The following PHF20 variants were observed in gnomAD, a reference collection of about 807,000 sequenced individuals.
The protein encoded by PHF20 is glioma-expressed antigen 2.
In PHF20, 23 loss-of-function variants were observed where a neutral mutation model predicts 113.5. The ratio of observed to expected loss-of-function variants is 0.20; its 90% CI spans 0.15 to 0.29. The LOEUF (loss-of-function observed/expected upper bound fraction) is 0.29, where lower values mean the gene tolerates loss of function less well. PHF20 is among the 10% of genes least tolerant of loss of function. The pLI, the probability that PHF20 is intolerant of heterozygous loss-of-function variation, is 1.00. For missense variants in PHF20, 943 were observed against 1,219.6 expected, an observed-to-expected ratio of 0.77 and a Z score of 3.38; for synonymous variants, 434 against 457.3, an observed-to-expected ratio of 0.95 and a Z score of 0.65.
chr20:35,824,343 T>C (rs2146907490), intron 2 of PHF20, among the ~76,000 whole-genome samples: 1 of 152,130 alleles, frequency 6.6e-6, no homozygotes, highest in Non-Finnish European at 1.5e-5. Context: ...GTGTGGTGGC[T>C]CACGCCTGTA....
In PHF20 at chr20:35,861,151, G is replaced by GT. The variant is rs200515259; in HGVS notation, c.421-1848dup. Among the ~76,000 whole-genome samples, 1,284 of 141,942 alleles carry GT rather than the reference G, an allele frequency of 9.0e-3. 1 individual carries two copies. The highest frequency in any genetic ancestry group is 0.013 in the East Asian group (65 of 4,876). The allele number at this position is 141,942 out of a possible 152,430, so 93.1% of individuals were successfully genotyped here. ...TTCGTATACTATTGGAATAGATTGA[G>GT]TTTTTTTTTTTTTTCTGTAGGACTG... On this transcript the variant is annotated intron_variant, in intron 5 of 17. Coordinates refer to ENST00000374012, the MANE Select transcript of PHF20 (RefSeq NM_016436.5).
In PHF20 at chr20:35,947,763, G is replaced by C; in HGVS notation, c.*136G>C. 1 of 909,714 alleles carries C rather than the reference G, an allele frequency of 1.1e-6. No individual in the cohort carries two copies. The highest frequency in any genetic ancestry group is 1.7e-5 in the South Asian group (1 of 57,924). The allele number at this position is 909,714 out of a possible 1,614,324, so 56.4% of individuals were successfully genotyped here. The stretch of plus-strand genomic sequence containing the variant: ...CTTCAGGGATCTGGGCCAGGAGTGT[G>C]GTGGACATTGGACAAAGAGGCCATT... On this transcript the variant is annotated 3_prime_UTR_variant, in exon 18 of 18. Coordinates refer to ENST00000374012, the MANE Select transcript of PHF20 (RefSeq NM_016436.5).
chr20:35,827,155 G>A (rs904283001), intron 2 of PHF20, among the ~76,000 whole-genome samples: 1 of 152,130 alleles, frequency 6.6e-6, no homozygotes, highest in African/African-American at 2.4e-5. Context: ...AGGCTGGAGT[G>A]CAATGGTACG....
chr20:35,895,416 C>T (rs1457539081), intron 9 of PHF20, among the ~76,000 whole-genome samples: 2 of 152,070 alleles, frequency 1.3e-5, no homozygotes, highest in East Asian at 1.9e-4. Context: ...CCTCAGTTTC[C>T]CAAAGTGCTG....
intron 17 of PHF20, 62 bp downstream of exon 17, chr20:35,941,109 G>T: frequency 7.1e-7 from 1 of 1,406,242 alleles, no homozygotes; most frequent in South Asian, 1.3e-5. Flanking sequence ...CAGACGAGCT[G>T]CTTTCTGAAC....
At chr20:35,939,967 G>GACGC (rs1442183131) in intron 16 of PHF20, among the ~76,000 whole-genome samples, 7 of 152,218 alleles carry the variant, frequency 4.6e-5, no homozygotes, top group African/African-American at 1.7e-4. Flanking sequence ...TTTTGAGACA[G>GACGC]ACGCAGTTTC....
At chr20:35,862,609 C>T (rs2054237110) in intron 5 of PHF20, among the ~76,000 whole-genome samples, 1 of 151,992 alleles carries the variant, frequency 6.6e-6, no homozygotes. Context: ...TGAAACATGC[C>T]TGTGGTCCCA....
chr20:35,939,046 G>A lies in PHF20; in HGVS notation c.2650G>A (p.Gly884Ser). 1 of 1,614,136 alleles carries A rather than the reference G, an allele frequency of 6.2e-7. No individual in the cohort carries two copies. Among genetic ancestry groups the A allele is most frequent in the South Asian group, 1.1e-5 (1 of 91,082 alleles). Reference protein sequence around the residue: ...NGDDSLSPRLGWPLDQDRSKG... With the variant: ...NGDDSLSPRLSWPLDQDRSKG... Reference sequence around the variant, plus strand: ...CGATGATTCCCTTTCCCCGCGCCTGGGCTGGCCTCTAGACCAAGACAGGAG... The same window carrying A: ...CGATGATTCCCTTTCCCCGCGCCTGAGCTGGCCTCTAGACCAAGACAGGAG... Residue 884 changes from glycine to serine, a missense_variant, in exon 16 of 18, where the codon GGC (glycine) becomes AGC (serine). Coordinates refer to ENST00000374012, the MANE Select transcript of PHF20 (RefSeq NM_016436.5).
At chr20:35,870,806 G>A (rs1352305167) in intron 7 of PHF20, 149 bp from the exon 8 acceptor site, 1 of 532,298 alleles carries the variant, frequency 1.9e-6, no homozygotes, top group African/African-American at 2.0e-5. Flanking sequence ...CTGTAAACTA[G>A]TAAAGGGTAT....
At chr20:35,908,064 A>G (rs2055232369) in intron 10 of PHF20, among the ~76,000 whole-genome samples, 1 of 152,264 alleles carries the variant, frequency 6.6e-6, no homozygotes, top group South Asian at 2.1e-4. Flanking sequence ...TTACAGCTCT[A>G]GCAGGTGGTG....
chr20:35,878,883 G>A (rs2054577575), intron 9 of PHF20: 1 of 446,188 alleles, frequency 2.2e-6, no homozygotes. Context: ...CTTTCTTGCA[G>A]GCTTGATTTG....
intron 2 of PHF20, among the ~76,000 whole-genome samples, chr20:35,803,906 G>A (rs1318122470): frequency 6.6e-6 from 1 of 151,942 alleles, no homozygotes; most frequent in African/African-American, 2.4e-5. Context: ...TCAGGCTGGA[G>A]TGTAATGGCA....
At chr20:35,910,442 A>G (rs1372286427) in intron 10 of PHF20, among the ~76,000 whole-genome samples, 2 of 152,160 alleles carry the variant, frequency 1.3e-5, no homozygotes, top group South Asian at 2.1e-4. Context: ...ACATATTTAA[A>G]TGGTATAATT....
At chr20:35,880,411 G>A (rs1301442334) in intron 9 of PHF20, among the ~76,000 whole-genome samples, 1 of 152,146 alleles carries the variant, frequency 6.6e-6, no homozygotes, top group Non-Finnish European at 1.5e-5. Flanking sequence ...TTGCTTTGAG[G>A]AATTTACTGA....
At chr20:35,789,448 A>G (rs1232520878) in intron 1 of PHF20, among the ~76,000 whole-genome samples, 1 of 151,682 alleles carries the variant, frequency 6.6e-6, no homozygotes, top group East Asian at 1.9e-4. Context: ...AAAAAAACAA[A>G]AGCAGCTTGT....
chr20:35,834,553 C>A (rs1395924825), intron 2 of PHF20, among the ~76,000 whole-genome samples: 2 of 151,992 alleles, frequency 1.3e-5, no homozygotes, highest in African/African-American at 4.8e-5. Flanking sequence ...GCCCAGCCAG[C>A]TATGCTTCTT....
rs760780663 is a variant in PHF20 at position 35,799,799 on chromosome 20, C to G, written c.-32-1692C>G. On this transcript the variant is annotated intron_variant, in intron 1 of 17. Coordinates refer to ENST00000374012, the MANE Select transcript of PHF20 (RefSeq NM_016436.5). Reference sequence around the variant, plus strand: ...TCTTCTGCCTCAGCCTCCCAAGTAGCTGGGATTACAGGCGCCTGCCGCCGC... The same window carrying G: ...TCTTCTGCCTCAGCCTCCCAAGTAGGTGGGATTACAGGCGCCTGCCGCCGC... Among the ~76,000 whole-genome samples the G allele has an allele frequency of 3.3e-5, 5 of 152,158 alleles. No homozygotes were observed. The South Asian group carries it at 1.0e-3, about 32-fold the overall frequency.
At chr20:35,859,770 C>A (rs1162723146) in intron 5 of PHF20, among the ~76,000 whole-genome samples, 1 of 152,152 alleles carries the variant, frequency 6.6e-6, no homozygotes, top group Non-Finnish European at 1.5e-5. Flanking sequence ...GTCTCAAACT[C>A]CTGAGTTCAG....
intron 9 of PHF20, among the ~76,000 whole-genome samples, chr20:35,884,493 T>C (rs1246328667): frequency 6.6e-6 from 1 of 152,182 alleles, no homozygotes; most frequent in Admixed American, 6.5e-5. Context: ...GAGATCTGCA[T>C]TCCAGGGGCT....
Sources: gnomAD v4.1 joint callset for allele counts (sites outside exome capture counted in the v4.1 genomes callset) on GRCh38, gnomAD v4.1.1 for gene constraint, MANE v1.5 for transcripts, NCBI Gene and HGNC (gene_info 2026-07-23, HGNC 2026-07-21) for gene names.